The following NHSL2 variants were observed in gnomAD, a reference collection of about 807,000 sequenced individuals.
NHSL2 encodes NHS like 2.
NHSL2 carries 27 observed loss-of-function variants against 53.4 expected under a neutral mutation model. That is an observed-to-expected ratio of 0.51 (90% CI 0.37 to 0.70). The LOEUF (loss-of-function observed/expected upper bound fraction) is 0.70. NHSL2 is among the 30% of genes least tolerant of loss of function. NHSL2 has a pLI of 0.00. For missense variants in NHSL2, 892 were observed against 980.1 expected (o/e 0.91, Z 1.20); for synonymous variants, 408 against 404.1 (o/e 1.01, Z -0.12).
At chrX:72,103,620 G>A (rs934143158) in intron 1 of NHSL2, among the ~76,000 whole-genome samples, 1 of 112,139 alleles carries the variant, frequency 8.9e-6, no homozygotes, top group Non-Finnish European at 1.9e-5. Flanking sequence ...CCTTGGTGAA[G>A]GCATCTTCAA....
intron 1 of NHSL2, among the ~76,000 whole-genome samples, chrX:72,061,552 G>A (rs1026308922): frequency 2.7e-5 from 3 of 111,876 alleles, no homozygotes; most frequent in African/African-American, 9.8e-5. Flanking sequence ...GGACTACTAC[G>A]ATAGCCTCCT....
intron 1 of NHSL2, among the ~76,000 whole-genome samples, chrX:72,007,409 C>T (rs764914406): frequency 1.1e-4 from 12 of 112,497 alleles, no homozygotes; most frequent in South Asian, 7.3e-4. Context: ...GGCAGCTACC[C>T]GGGGATGCCC....
At chrX:72,047,894 A>G (rs775937393) in intron 1 of NHSL2, among the ~76,000 whole-genome samples, 1 of 109,960 alleles carries the variant, frequency 9.1e-6, no homozygotes, top group African/African-American at 3.3e-5. Context: ...AAGCAGAGGG[A>G]TGTACTCTGA....
chrX:71,988,542 G>C (rs896162197), intron 1 of NHSL2, among the ~76,000 whole-genome samples: 7 of 111,093 alleles, frequency 6.3e-5, no homozygotes, highest in Non-Finnish European at 9.4e-5. Context: ...CTTTTATTAA[G>C]AGGGGTCTTT....
chrX:72,038,954 A>G (rs2147917284), intron 1 of NHSL2, among the ~76,000 whole-genome samples: 1 of 111,789 alleles, frequency 8.9e-6, no homozygotes, highest in South Asian at 3.7e-4. Context: ...AGGCCAAGAT[A>G]CCAGTTTGTA....
chrX:72,050,829 CAG>C (rs2042336129), intron 1 of NHSL2, among the ~76,000 whole-genome samples: 1 of 109,140 alleles, frequency 9.2e-6, no homozygotes, highest in African/African-American at 3.4e-5. Context: ...GCAGAGATTG[CAG>C]TGAGCTGAGG....
chrX:72,120,247 T>G (rs1031130736), intron 1 of NHSL2, among the ~76,000 whole-genome samples: 2 of 112,421 alleles, frequency 1.8e-5, no homozygotes, highest in Non-Finnish European at 3.8e-5. Context: ...ACCTCCTCTA[T>G]ATAGCTTGTG....
Position 72,127,584 on chromosome X carries a change from G to A in NHSL2, c.281-4495G>A, listed in dbSNP as rs145832486. 1.5e-4 allele frequency: 17 copies of A among 111,008 alleles called. No homozygotes were observed. In the East Asian group the frequency reaches 4.5e-3, roughly 30 times the overall value. The allele number at this position is 111,008 out of a possible 1,213,427, so 9.1% of individuals were successfully genotyped here. On this transcript the variant is annotated intron_variant, in intron 1 of 7. Coordinates refer to ENST00000633930, the MANE Select transcript of NHSL2 (RefSeq NM_001013627.3). Reference sequence around the variant, plus strand: ...CCTTCACACTTCTCCACAGGGACATGGGGCAGCAGGGCCAGAGTGTTGACC... The same window carrying A: ...CCTTCACACTTCTCCACAGGGACATAGGGCAGCAGGGCCAGAGTGTTGACC...
At chrX:72,107,651 C>T (rs1038235113) in intron 1 of NHSL2, among the ~76,000 whole-genome samples, 2 of 111,620 alleles carry the variant, frequency 1.8e-5, no homozygotes, top group African/African-American at 6.5e-5. Context: ...GACAGAGTCC[C>T]GGGGGGGTGT....
chrX:72,131,953 C>T (rs917633535), intron 1 of NHSL2, 126 bp from the exon 2 acceptor site: 5 of 626,851 alleles, frequency 8.0e-6, no homozygotes, highest in Non-Finnish European at 1.2e-5. Context: ...GCCTTTTAAG[C>T]GCAGCCTCGC....
rs760970544 is a variant in NHSL2 at position 72,130,328 on chromosome X, C to T, written c.281-1751C>T. The T allele has an allele frequency of 1.5e-5, 17 of 1,172,202 alleles. No individual in the cohort carries two copies. The East Asian group carries it at 4.8e-4, about 33-fold the overall frequency. On this transcript the variant is annotated intron_variant, in intron 1 of 7. Transcript: ENST00000633930. ...TTGTTCCTTATCTCCTCCTCCTCCT[C>T]TTTCTGTTTCATTTCCTCTTCCTCC... is the stretch of plus-strand genomic sequence containing the variant.
chrX:72,018,549 C>A (rs1456561045), intron 1 of NHSL2, among the ~76,000 whole-genome samples: 1 of 112,984 alleles, frequency 8.9e-6, no homozygotes, highest in Non-Finnish European at 1.9e-5. Context: ...GGCCGGCCCC[C>A]GGGCTGCTTT....
chrX:72,091,692 G>A (rs547650999), intron 1 of NHSL2, among the ~76,000 whole-genome samples: 19 of 111,339 alleles, frequency 1.7e-4, no homozygotes, highest in African/African-American at 5.6e-4. Flanking sequence ...CATGAGTATG[G>A]TTGAGGCTCT....
In NHSL2 at chrX:72,117,196, G is replaced by A. The variant is rs73624211; in HGVS notation, c.281-14883G>A. On this transcript the variant is annotated intron_variant, in intron 1 of 7. Transcript: ENST00000633930. The stretch of plus-strand genomic sequence containing the variant: ...CTAGTAAGAGTTTACTGAGGTCTGA[G>A]TATGGGGCTTGTCTCTATAGTATAT... 2.7e-3 allele frequency among the ~76,000 whole-genome samples: 287 copies of A among 107,537 alleles called. 2 individuals are homozygous for A. The highest frequency in any genetic ancestry group is 9.1e-3 in the African/African-American group (267 of 29,363). 93.4% of individuals were successfully genotyped at this position (107,537 alleles called of 115,157 possible).
At chrX:71,998,313 A>T (rs776134139) in intron 1 of NHSL2, among the ~76,000 whole-genome samples, 6 of 112,311 alleles carry the variant, frequency 5.3e-5, no homozygotes, top group Non-Finnish European at 9.4e-5. Context: ...ACTTATTCAG[A>T]TAGCAATAAG....
At chrX:71,947,271 C>A (rs1384305277) in intron 1 of NHSL2, among the ~76,000 whole-genome samples, 1 of 111,932 alleles carries the variant, frequency 8.9e-6, no homozygotes, top group Admixed American at 9.5e-5. Flanking sequence ...TCTCCTCACT[C>A]CAGCTGATCC....
At chrX:72,106,520 G>C (rs1306473406) in intron 1 of NHSL2, among the ~76,000 whole-genome samples, 1 of 112,100 alleles carries the variant, frequency 8.9e-6, no homozygotes, top group Non-Finnish European at 1.9e-5. Flanking sequence ...GTTGGTGGGA[G>C]TGTAAATTAG....
Position 72,140,576 on chromosome X carries a change from G to A in NHSL2, c.3028G>A (p.Val1010Met), listed in dbSNP as rs140270842. Residue 1010 changes from valine to methionine, a missense_variant, in exon 6 of 8, where the codon GTG (valine) becomes ATG (methionine). Coordinates refer to ENST00000633930, the MANE Select transcript of NHSL2 (RefSeq NM_001013627.3). ...ACCTCCCGTACCAAAAAAACCCAGC[G>A]TGCTGTACCTGCCTCTCACTTCTCC... The part of the protein sequence containing the change: ...IPPPVPKKPS[V>M]LYLPLTSPTA... 8 of 1,209,984 alleles carry A rather than the reference G, an allele frequency of 6.6e-6. No homozygotes were observed. Among genetic ancestry groups the A allele is most frequent in the Non-Finnish European group, 8.9e-6 (8 of 894,948 alleles).
intron 1 of NHSL2, among the ~76,000 whole-genome samples, chrX:72,116,886 A>G (rs2042143653): frequency 8.9e-6 from 1 of 111,977 alleles, no homozygotes; most frequent in Non-Finnish European, 1.9e-5. Context: ...GCTAGCTGTT[A>G]TGGGAAAGTC....
Sources: gnomAD v4.1 joint callset for allele counts (sites outside exome capture counted in the v4.1 genomes callset) on GRCh38, gnomAD v4.1.1 for gene constraint, MANE v1.5 for transcripts, NCBI Gene and HGNC (gene_info 2026-07-23, HGNC 2026-07-21) for gene names.